The following PER2 variants were observed in gnomAD, a reference collection of about 807,000 sequenced individuals.
The protein encoded by PER2 is period circadian protein homolog 2.
A neutral mutation model predicts 121.0 loss-of-function variants in PER2; 66 were observed. The observed-to-expected ratio is 0.55, with a 90% CI of 0.45 to 0.67. The LOEUF (loss-of-function observed/expected upper bound fraction) is 0.67, where lower values mean the gene tolerates loss of function less well. Among genes scored for constraint, PER2 ranks in the 30% least tolerant of loss-of-function variants. The pLI is 0.00. For synonymous variants in PER2, 684 were observed against 659.9 expected (o/e 1.04, Z -0.56); for missense variants, 1,521 against 1,635.0 (o/e 0.93, Z 1.20).
At chr2:238,266,102 ACC>A in intron 8 of PER2, among the ~76,000 whole-genome samples, 1 of 151,912 alleles carries the variant, frequency 6.6e-6, no homozygotes, top group Non-Finnish European at 1.5e-5. Context: ...GTGGGGTTTC[ACC>A]GTGTTGGCCA....
At chr2:238,247,117 T>C (rs1695470832) in intron 22 of PER2, 1 of 152,480 alleles carries the variant, frequency 6.6e-6, no homozygotes, top group Admixed American at 6.5e-5. Flanking sequence ...GTGTCCACAC[T>C]CTTTGCCACT....
At chr2:238,291,017 G>A (rs1313957927), upstream of PER2, among the ~76,000 whole-genome samples, 1 of 152,236 alleles carries the variant, frequency 6.6e-6, no homozygotes, top group African/African-American at 2.4e-5. Flanking sequence ...GAAGGAAGGG[G>A]GATGAACCCT....
At position 238,283,624 on chromosome 2, in the gene PER2, G is replaced by A. The variant is rs180925117; in HGVS notation, c.-20+4725C>T. Among the ~76,000 whole-genome samples the A allele has an allele frequency of 4.7e-3, 723 of 152,340 alleles. 6 individuals carry two copies. The highest frequency in any genetic ancestry group is 0.024 in the Middle Eastern group (7 of 294). On this transcript the variant is annotated intron_variant, in intron 1 of 22. Coordinates refer to ENST00000254657, the MANE Select transcript of PER2 (RefSeq NM_022817.3). ...AAGGCCAGATCACGGAGTGCCTTGC[G>A]GGGGCAGTCAGAACTCCGATAGGGA... is the stretch of plus-strand genomic sequence containing the variant.
rs1411692539 is a variant in PER2, at chr2:238,262,922, T to C, written c.1153+30A>G. The C allele has an allele frequency of 3.4e-6, 5 of 1,463,702 alleles. No individual in the cohort carries two copies. In the East Asian group the frequency reaches 1.1e-4, roughly 33 times the overall value. 90.7% of individuals were successfully genotyped at this position (1,463,702 alleles called of 1,614,324 possible). A position where few individuals can be genotyped will look rare whatever the true frequency, so the allele number is the denominator to read the frequency against. On this transcript the variant is annotated intron_variant, in intron 10 of 22. Transcript: ENST00000254657. The stretch of plus-strand genomic sequence containing the variant: ...GGACACAGGAACTTCCGCCAAACAC[T>C]TCAGGATGTACCATGAAAAGGGGAC...
chr2:238,262,852 G>A, intron 10 of PER2, 100 bp downstream of exon 10: 2 of 815,098 alleles, frequency 2.5e-6, no homozygotes, highest in Non-Finnish European at 4.2e-6. Context: ...GTCCTTAGCT[G>A]ATCTGACCTG....
chr2:238,289,176 G>A (rs889588674), upstream of PER2: 1 of 152,190 alleles, frequency 6.6e-6, no homozygotes, highest in Admixed American at 6.5e-5. Flanking sequence ...CCGGCGCGCC[G>A]AAGCCGGACG....
At chr2:238,278,078 T>TTCTG (rs1696512720) in intron 1 of PER2, 123 bp from the exon 2 acceptor site, 2 of 934,970 alleles carry the variant, frequency 2.1e-6, no homozygotes, top group Admixed American at 4.1e-5. Context: ...TCTTTCTTTC[T>TTCTG]TCTCTCTGTC....
rs1039184575 is a variant in PER2 at position 238,251,749 on chromosome 2, A to C, written c.3124T>G (p.Ser1042Ala). 3 of 1,458,340 alleles carry C rather than the reference A, an allele frequency of 2.1e-6. No individual in the cohort carries two copies. In the East Asian group the frequency reaches 9.6e-5, roughly 47 times the overall value. 90.3% of individuals were successfully genotyped at this position (1,458,340 alleles called of 1,614,324 possible). The change falls in exon 20 of 23, where the codon TCA becomes GCA. Residue 1042 changes from serine to alanine, a missense_variant. By Grantham distance (99) the Ser-to-Ala change is moderately conservative. Transcript: ENST00000254657. ...PKAPLTRDEPSDTQNSDALST... is the reference protein window; with the variant it reads ...PKAPLTRDEPADTQNSDALST... Reference sequence around the variant, plus strand: ...AGGGCGTCACTGTTCTGTGTGTCTGAGGGTTCATCACGCTTTAGGGACAGG... The same window carrying C: ...AGGGCGTCACTGTTCTGTGTGTCTGCGGGTTCATCACGCTTTAGGGACAGG...
chr2:238,265,179 T>G (rs543953572), intron 9 of PER2, among the ~76,000 whole-genome samples: 1 of 152,336 alleles, frequency 6.6e-6, no homozygotes, highest in Admixed American at 6.5e-5. Flanking sequence ...AGACTTCTGC[T>G]GGGATCCAGC....
At chr2:238,292,271 G>A (rs1025857571), upstream of PER2, among the ~76,000 whole-genome samples, 1 of 152,362 alleles carries the variant, frequency 6.6e-6, no homozygotes, top group South Asian at 2.1e-4. Context: ...GTTTAGGGGA[G>A]ACATGTGGGT....
Position 238,245,956 on chromosome 2 carries a change from C to A in PER2, c.*419G>T, listed in dbSNP as rs1695436015. 3.8e-6 allele frequency: 1 copy of A among 265,264 alleles called. No individual in the cohort carries two copies. Among genetic ancestry groups the A allele is most frequent in the African/African-American group, 2.2e-5 (1 of 45,772 alleles). The allele number at this position is 265,264 out of a possible 1,614,324, so 16.4% of individuals were successfully genotyped here. On this transcript the variant is annotated 3_prime_UTR_variant, in exon 23 of 23. Transcript: ENST00000254657. The stretch of plus-strand genomic sequence containing the variant: ...ATAAAAAGCAGTCCCCAAGAGAGGA[C>A]AAAATTTGATCTGATCCAAACACCC...
chr2:238,299,672 C>T, the PER2 span: 1 of 152,366 alleles, frequency 6.6e-6, no homozygotes, highest in East Asian at 1.9e-4. Context: ...GGTCCTGAGA[C>T]CATGGCTATG....
upstream of PER2, among the ~76,000 whole-genome samples, chr2:238,291,939 A>T (rs539894210): frequency 6.2e-4 from 95 of 152,266 alleles, no homozygotes; most frequent in African/African-American, 2.0e-3. Flanking sequence ...AGGTGGGAGG[A>T]TTTCTTGAAC....
chr2:238,250,596 G>C lies in PER2; in HGVS notation c.3422C>G (p.Ala1141Gly). 6.2e-7 allele frequency: 1 copy of C among 1,613,786 alleles called. No individual in the cohort carries two copies. The highest frequency in any genetic ancestry group is 1.7e-5 in the Admixed American group (1 of 60,000). ...VLQDPIWLLMADADSSVMMTY... is the reference protein window; with the variant it reads ...VLQDPIWLLMGDADSSVMMTY... ...CATCATGACGCTGCTGTCCGCATCT[G>C]CCATCAGCAGCCAGATGGGATCCTG... is the stretch of plus-strand genomic sequence containing the variant. Residue 1141 changes from alanine to glycine, a missense_variant, in exon 21 of 23, where the codon GCA (alanine) becomes GGA (glycine). Physicochemically the swap from Ala to Gly is moderately conservative, Grantham distance 60. Transcript: ENST00000254657.
At chr2:238,266,560 A>G (rs1696119645) in intron 8 of PER2, among the ~76,000 whole-genome samples, 1 of 152,260 alleles carries the variant, frequency 6.6e-6, no homozygotes, top group Non-Finnish European at 1.5e-5. Context: ...CATGGACAAA[A>G]CATTCAAAAT....
At position 238,278,037 on chromosome 2, in the gene PER2, G is replaced by C. The variant is rs1696511610; in HGVS notation, c.-19-82C>G. 6 of 1,431,818 alleles carry C rather than the reference G, an allele frequency of 4.2e-6. No individual in the cohort carries two copies. In the South Asian group the frequency reaches 7.3e-5, roughly 17 times the overall value. 88.7% of individuals were successfully genotyped at this position (1,431,818 alleles called of 1,614,324 possible). ...CAGCCATCAGGTAGAGCACCCATTT[G>C]ACTCTTTCTGTTACTAATGAAACTG... is the stretch of plus-strand genomic sequence containing the variant. On this transcript the variant is annotated intron_variant, in intron 1 of 22. Coordinates refer to ENST00000254657, the MANE Select transcript of PER2 (RefSeq NM_022817.3).
chr2:238,257,042 T>C lies in PER2; in HGVS notation c.1945A>G (p.Thr649Ala). The stretch of plus-strand genomic sequence containing the variant: ...GGCAGTGCCAGCGAGGTCAGGTGCG[T>C]ACCTACTCCCGTGCGGCTGTTCACC... ...SRVNSRTGVG[T>A]HLTSLALPGK... Residue 649 changes from threonine to alanine, a missense_variant, in exon 17 of 23, where the codon ACG becomes GCG. By Grantham distance (58) the Thr-to-Ala change is moderately conservative. Coordinates refer to ENST00000254657, the MANE Select transcript of PER2 (RefSeq NM_022817.3). 1.9e-6 allele frequency: 3 copies of C among 1,613,444 alleles called. No homozygotes were observed. Among genetic ancestry groups the C allele is most frequent in the Non-Finnish European group, 8.5e-7 (1 of 1,179,944 alleles).
At chr2:238,267,602 A>G (rs1696149438) in intron 8 of PER2, among the ~76,000 whole-genome samples, 1 of 152,190 alleles carries the variant, frequency 6.6e-6, no homozygotes. Flanking sequence ...AGGGATGCCC[A>G]GCACTTCATT....
rs765722086 is a variant in PER2, at chr2:238,249,152, C to T, written c.3528G>A (p.Gln1176=). The T allele has an allele frequency of 6.2e-7, 1 of 1,614,148 alleles. No individual in the cohort carries two copies. Among genetic ancestry groups the T allele is most frequent in the Non-Finnish European group, 8.5e-7 (1 of 1,179,948 alleles). The change falls in exon 22 of 23, where the codon CAG becomes CAA. Residue 1176 remains glutamine (Q), a synonymous_variant. Coordinates refer to ENST00000254657, the MANE Select transcript of PER2 (RefSeq NM_022817.3). ...GCTTCTGACTCTCCGTGAACCTGGG[C>T]TGGAGTTTCTGTAGGAGCTTCAGCT... ...REKLKLLQKL[Q]PRFTESQKQE...
Sources: allele counts gnomAD v4.1 joint callset (sites outside exome capture counted in the v4.1 genomes callset), GRCh38; gene constraint gnomAD v4.1.1; transcripts MANE v1.5; gene names NCBI Gene and HGNC (gene_info 2026-07-23, HGNC 2026-07-21).